Variants in PKD1L1 observed in about 807,000 individuals in gnomAD.
The protein encoded by PKD1L1 is polycystin 1 like 1, transient receptor potential channel interacting.
In PKD1L1, 236 loss-of-function variants were observed where a neutral mutation model predicts 323.4. The observed-to-expected ratio is 0.73, with a 90% CI of 0.66 to 0.81. The LOEUF (loss-of-function observed/expected upper bound fraction) is 0.81. PKD1L1 is among the 40% of genes least tolerant of loss of function. The pLI is 0.00. For synonymous variants in PKD1L1, 1,344 were observed against 1,335.0 expected, an observed-to-expected ratio of 1.01 and a Z score of -0.15; for missense variants, 3,320 against 3,508.0, an observed-to-expected ratio of 0.95 and a Z score of 1.35.
chr7:47,940,215 G>T lies in PKD1L1; in HGVS notation c.263C>A (p.Ser88Tyr). The T allele has an allele frequency of 6.2e-7, 1 of 1,614,152 alleles. No individual in the cohort carries two copies. The highest frequency in any genetic ancestry group is 8.5e-7 in the Non-Finnish European group (1 of 1,180,036). ...TACCTTCTGCCTGGAAGCTGATGAG[G>T]ATGGGCTCTGTGATTCCCGGTCTTC... ...KAEDRESQSP[S>Y]SSASRQKNIW... Residue 88 changes from serine (S) to tyrosine (Y), a missense_variant, in exon 3 of 57, where the codon TCC becomes TAC. Ser to Tyr is a moderately radical substitution (Grantham distance 144). Coordinates refer to ENST00000289672, the MANE Select transcript of PKD1L1 (RefSeq NM_138295.5).
intron 3 of PKD1L1, among the ~76,000 whole-genome samples, chr7:47,937,879 T>C (rs1787902190): frequency 6.6e-6 from 1 of 152,032 alleles, no homozygotes; most frequent in Non-Finnish European, 1.5e-5. Flanking sequence ...TGACCTTGCA[T>C]TGACCTGTGC....
chr7:47,812,987 C>A (rs1784932992), intron 49 of PKD1L1, 134 bp downstream of exon 49: 1 of 1,054,890 alleles, frequency 9.5e-7, no homozygotes, highest in Non-Finnish European at 1.4e-6. Flanking sequence ...GCTGGAGCCC[C>A]TGGCAGTGGT....
At chr7:47,912,815 CAAAAAAAA>C (rs59792729) in intron 8 of PKD1L1, among the ~76,000 whole-genome samples, 5 of 63,638 alleles carry the variant, frequency 7.9e-5, no homozygotes, top group Non-Finnish European at 1.1e-4. Context: ...GACTGTGTCT[CAAAAAAAA>C]AAAAAAAAAA....
At position 47,846,781 on chromosome 7, in the gene PKD1L1, G is replaced by C. The variant is rs2128739528; in HGVS notation, c.5153+98C>G. The C allele has an allele frequency of 2.7e-6, 3 of 1,118,558 alleles. No homozygotes were observed. The East Asian group carries it at 7.4e-5, about 28-fold the overall frequency. The allele number at this position is 1,118,558 out of a possible 1,614,324, so 69.3% of individuals were successfully genotyped here. A position where few individuals can be genotyped will look rare whatever the true frequency, so the allele number is the denominator to read the frequency against. ...ACCAAGAGAGCTCCAGCTTCTTATGGACAAGGTTCAGGAAAGGCTCTAGGG... is the reference window on the plus strand; with the variant it reads ...ACCAAGAGAGCTCCAGCTTCTTATGCACAAGGTTCAGGAAAGGCTCTAGGG... On this transcript the variant is annotated intron_variant, in intron 32 of 56. Transcript: ENST00000289672.
chr7:47,921,820 ATAAG>A (rs1562991086), intron 7 of PKD1L1, among the ~76,000 whole-genome samples: 1 of 152,176 alleles, frequency 6.6e-6, no homozygotes, highest in Non-Finnish European at 1.5e-5. Context: ...GTTCTCACTT[ATAAG>A]TGAGAGCTAA....
At chr7:47,801,684 T>A (rs2128726292) in intron 53 of PKD1L1, among the ~76,000 whole-genome samples, 1 of 152,228 alleles carries the variant, frequency 6.6e-6, no homozygotes, top group South Asian at 2.1e-4. Flanking sequence ...CTAGGACTCG[T>A]TTTAGTATTA....
upstream of PKD1L1, among the ~76,000 whole-genome samples, chr7:47,949,642 C>A (rs1788173583): frequency 6.6e-6 from 1 of 152,118 alleles, no homozygotes; most frequent in African/African-American, 2.4e-5. Flanking sequence ...GTTCTTTATA[C>A]CAACATTTAA....
chr7:47,892,802 G>A lies in PKD1L1; in HGVS notation c.2453+1076C>T, dbSNP rs139108664. On this transcript the variant is annotated intron_variant, in intron 15 of 56. Transcript: ENST00000289672. ...GTGGAGACTGGCCAGGAGATCTTACGGAGATGAGCCCAAGACCCTGGCAGC... is the reference window on the plus strand; with the variant it reads ...GTGGAGACTGGCCAGGAGATCTTACAGAGATGAGCCCAAGACCCTGGCAGC... Among the ~76,000 whole-genome samples, 12 of 152,194 alleles carry A rather than the reference G, an allele frequency of 7.9e-5. No individual in the cohort carries two copies. In the East Asian group the frequency reaches 2.1e-3, roughly 27 times the overall value.
chr7:47,777,228 A>G (rs1292039471), intron 56 of PKD1L1, among the ~76,000 whole-genome samples: 1 of 152,258 alleles, frequency 6.6e-6, no homozygotes, highest in East Asian at 1.9e-4. Context: ...TGATTAGTCT[A>G]AATTAATCAT....
Position 47,840,138 on chromosome 7 carries a change from A to G in PKD1L1, c.5552+323T>C, listed in dbSNP as rs1361644506. On this transcript the variant is annotated intron_variant, in intron 35 of 56. Transcript: ENST00000289672. This position sits in a 1 kb window ranked among gnomAD's most constrained non-coding sequence, Gnocchi z 4.1. The stretch of plus-strand genomic sequence containing the variant: ...CCAACCCCACCATCTTTGTGACACC[A>G]TGTGTCACAAACTGGGGACAAACCT... 6.6e-6 allele frequency among the ~76,000 whole-genome samples: 1 copy of G among 152,108 alleles called. No homozygotes were observed. The highest frequency in any genetic ancestry group is 2.4e-5 in the African/African-American group (1 of 41,434).
At chr7:47,931,441 G>C in intron 5 of PKD1L1, 120 bp from the exon 6 acceptor site, 2 of 1,074,488 alleles carry the variant, frequency 1.9e-6, no homozygotes, top group Non-Finnish European at 2.7e-6. Flanking sequence ...TGAGGTCTCT[G>C]CTATTTGGGT....
At chr7:47,823,116 C>T (rs903737807) in intron 45 of PKD1L1, among the ~76,000 whole-genome samples, 7 of 152,216 alleles carry the variant, frequency 4.6e-5, no homozygotes, top group East Asian at 1.9e-4. Context: ...TAGGTGTGAT[C>T]GGAGAGGACA....
intron 21 of PKD1L1, 91 bp from the exon 22 acceptor site, chr7:47,877,722 G>C: frequency 7.0e-7 from 1 of 1,438,034 alleles, no homozygotes; most frequent in South Asian, 1.4e-5. Flanking sequence ...TTATAGCAGG[G>C]GTTCTCAAAG....
intron 3 of PKD1L1, among the ~76,000 whole-genome samples, chr7:47,939,607 G>A (rs1043278563): frequency 6.6e-6 from 1 of 152,194 alleles, no homozygotes; most frequent in Non-Finnish European, 1.5e-5. Context: ...TAGCTACTCT[G>A]ATAAACAGAT....
chr7:47,804,685 A>C (rs549952839), intron 52 of PKD1L1, among the ~76,000 whole-genome samples: 11 of 152,156 alleles, frequency 7.2e-5, no homozygotes, highest in Non-Finnish European at 1.6e-4. Flanking sequence ...GCATTTCACC[A>C]TGTTGCTCAG....
chr7:47,910,215 G>A (rs184269081), intron 8 of PKD1L1, among the ~76,000 whole-genome samples: 217 of 152,206 alleles, frequency 1.4e-3, no homozygotes, highest in Non-Finnish European at 2.5e-3. Flanking sequence ...TCAAAAGGCA[G>A]ATTTCACGAC....
intron 9 of PKD1L1, among the ~76,000 whole-genome samples, chr7:47,906,870 T>G (rs1005457734): frequency 1.3e-5 from 2 of 151,894 alleles, no homozygotes; most frequent in African/African-American, 2.4e-5. Context: ...AAATTAATTC[T>G]GAGCACAATC....
chr7:47,775,926 A>T (rs1350906609), intron 56 of PKD1L1, among the ~76,000 whole-genome samples: 2 of 152,194 alleles, frequency 1.3e-5, no homozygotes, highest in Non-Finnish European at 2.9e-5. Context: ...TCAAAGACAC[A>T]AATATGTTGT....
the PKD1L1 span, among the ~76,000 whole-genome samples, chr7:47,953,886 G>C: frequency 5.9e-5 from 9 of 152,208 alleles, no homozygotes; most frequent in African/African-American, 2.2e-4. Context: ...CCTCCACTCT[G>C]TTCTGGTTCT....
Sources: allele counts gnomAD v4.1 joint callset (sites outside exome capture counted in the v4.1 genomes callset), GRCh38; gene constraint gnomAD v4.1.1; non-coding constraint Gnocchi (gnomAD v3.1); transcripts MANE v1.5; gene names NCBI Gene and HGNC (gene_info 2026-07-23, HGNC 2026-07-21).